CIMAP1D: variants seen among roughly 807,000 people sequenced by gnomAD.
CIMAP1D encodes CIMAP1 family member D.
the CIMAP1D span, among the ~76,000 whole-genome samples, chr19:477,340 G>A: frequency 2.0e-5 from 3 of 152,162 alleles, no homozygotes; most frequent in Non-Finnish European, 2.9e-5. Flanking sequence ...CTGGGAGGCC[G>A]AGGCGGGCGG....
At chr19:481,005 T>TGATGGAAAAC in the CIMAP1D span, among the ~76,000 whole-genome samples, 1 of 92,642 alleles carries the variant, frequency 1.1e-5, no homozygotes, top group East Asian at 4.3e-4. Context: ...TGGAAAACGA[T>TGATGGAAAAC]GACGGAGAAT....
chr19:478,416 A>G, the CIMAP1D span, among the ~76,000 whole-genome samples: 1 of 97,338 alleles, frequency 1.0e-5, no homozygotes. Flanking sequence ...GTGGAACCAA[A>G]AGCTAACACA....
the CIMAP1D span, among the ~76,000 whole-genome samples, chr19:465,997 G>C: frequency 1.3e-4 from 19 of 148,926 alleles, no homozygotes; most frequent in African/African-American, 4.8e-4. Flanking sequence ...ATAGATGGTT[G>C]GGTGGATGCT....
chr19:479,536 C>G, the CIMAP1D span, among the ~76,000 whole-genome samples: 1 of 152,030 alleles, frequency 6.6e-6, no homozygotes, highest in South Asian at 2.1e-4. Flanking sequence ...TCTCGCGTAG[C>G]TGGGATTACA....
the CIMAP1D span, among the ~76,000 whole-genome samples, chr19:485,463 C>T: frequency 6.6e-6 from 1 of 152,206 alleles, no homozygotes; most frequent in Non-Finnish European, 1.5e-5. Flanking sequence ...TGGCTGCTGC[C>T]GATCCAAGTC....
the CIMAP1D span, chr19:490,081 C>A: frequency 2.5e-6 from 1 of 397,666 alleles, no homozygotes; most frequent in Admixed American, 4.4e-5. Context: ...CAAGGCCGGG[C>A]GCGTTGGCTC....
the CIMAP1D span, among the ~76,000 whole-genome samples, chr19:488,594 G>C: frequency 2.0e-5 from 3 of 152,196 alleles, no homozygotes; most frequent in Non-Finnish European, 4.4e-5. Flanking sequence ...ACTGACGTCC[G>C]GGTACCCCCA....
At chr19:474,695 C>T in the CIMAP1D span, 5 of 1,569,388 alleles carry the variant, frequency 3.2e-6, no homozygotes, top group African/African-American at 4.1e-5. Context: ...CACTCGCCGG[C>T]CAAGGGGGGC....
At chr19:469,600 G>T in the CIMAP1D span, among the ~76,000 whole-genome samples, 6 of 152,120 alleles carry the variant, frequency 3.9e-5, no homozygotes, top group African/African-American at 1.2e-4. Context: ...TGAGGCAGGA[G>T]AATCACTTGA....
the CIMAP1D span, among the ~76,000 whole-genome samples, chr19:488,413 T>A: frequency 1.5e-3 from 234 of 152,186 alleles, no homozygotes; most frequent in African/African-American, 5.4e-3. Context: ...TCCCAGCTAC[T>A]CGGGAGGCTG....
At chr19:488,882 C>T in the CIMAP1D span, among the ~76,000 whole-genome samples, 1 of 152,080 alleles carries the variant, frequency 6.6e-6, no homozygotes, top group African/African-American at 2.4e-5. Flanking sequence ...GGGCCCCACG[C>T]AAGGGCAGCC....
At chr19:489,106 G>A in the CIMAP1D span, 2 of 152,140 alleles carry the variant, frequency 1.3e-5, no homozygotes, top group East Asian at 3.8e-4. Flanking sequence ...CAGCTGCGGG[G>A]GCCGCGCGGG....
At chr19:466,538 T>G in the CIMAP1D span, among the ~76,000 whole-genome samples, 34 of 101,808 alleles carry the variant, frequency 3.3e-4, no homozygotes, top group South Asian at 6.8e-4. Context: ...ATGGATGAGT[T>G]GGTGGGTGGA....
At chr19:469,653 T>C in the CIMAP1D span, among the ~76,000 whole-genome samples, 1 of 151,926 alleles carries the variant, frequency 6.6e-6, no homozygotes, top group Non-Finnish European at 1.5e-5. Context: ...ATCGCACCAC[T>C]GCACTCCAGC....
chr19:483,511 C>T, the CIMAP1D span, among the ~76,000 whole-genome samples: 1 of 152,194 alleles, frequency 6.6e-6, no homozygotes, highest in Non-Finnish European at 1.5e-5. Flanking sequence ...TCATGGTGGG[C>T]TGAAATCAAC....
At chr19:486,841 G>C in the CIMAP1D span, among the ~76,000 whole-genome samples, 4 of 152,142 alleles carry the variant, frequency 2.6e-5, no homozygotes, top group East Asian at 7.9e-4. Context: ...GTGAACCCGG[G>C]AGGCGGAGCT....
At chr19:472,478 G>A in the CIMAP1D span, 2 of 1,545,746 alleles carry the variant, frequency 1.3e-6, no homozygotes, top group South Asian at 2.4e-5. Context: ...GTGGACGGCA[G>A]GACATACAAG....
the CIMAP1D span, among the ~76,000 whole-genome samples, chr19:476,368 T>G: frequency 6.6e-6 from 1 of 151,900 alleles, no homozygotes; most frequent in African/African-American, 2.4e-5. Flanking sequence ...TTTTGTATTT[T>G]TAGTAGAGAT....
the CIMAP1D span, among the ~76,000 whole-genome samples, chr19:488,558 G>A: frequency 2.0e-5 from 3 of 152,246 alleles, no homozygotes; most frequent in Non-Finnish European, 4.4e-5. Context: ...GAACTAACGA[G>A]CGCCCTCGTC....
Sources: gnomAD v4.1 joint callset for allele counts (sites outside exome capture counted in the v4.1 genomes callset) on GRCh38, gnomAD v4.1.1 for gene constraint, MANE v1.5 for transcripts, NCBI Gene and HGNC (gene_info 2026-07-23, HGNC 2026-07-21) for gene names.